The following COL27A1 variants were observed in gnomAD, a reference collection of about 807,000 sequenced individuals.
COL27A1 encodes collagen type XXVII alpha 1 chain.
Under a neutral mutation model 251.3 loss-of-function variants are expected in COL27A1, and 106 were observed. The observed-to-expected ratio is 0.42, with a 90% confidence interval of 0.36 to 0.50. The LOEUF is 0.50. COL27A1 is among the 20% of genes least tolerant of loss of function. COL27A1 has a pLI of 0.00. For missense variants in COL27A1, 2,325 were observed against 2,522.8 expected (o/e 0.92, Z 1.68); for synonymous variants, 1,000 against 986.3 (o/e 1.01, Z -0.26).
At chr9:114,301,741 A>G (rs1828655568) in intron 55 of COL27A1, 24 bp downstream of exon 55, 1 of 1,610,200 alleles carries the variant, frequency 6.2e-7, no homozygotes, top group Non-Finnish European at 8.5e-7. Flanking sequence ...TGCTGGGTGC[A>G]TCTTGGACTC....
At chr9:114,175,912 T>A (rs1398151285) in intron 3 of COL27A1, among the ~76,000 whole-genome samples, 1 of 152,230 alleles carries the variant, frequency 6.6e-6, no homozygotes, top group African/African-American at 2.4e-5. Context: ...CCACCTTGGC[T>A]TTCCGCAACT....
At chr9:114,167,381 T>A (rs1848958301) in intron 2 of COL27A1, among the ~76,000 whole-genome samples, 1 of 152,230 alleles carries the variant, frequency 6.6e-6, no homozygotes, top group African/African-American at 2.4e-5. Context: ...ACTGAGGCAC[T>A]AAAGTCACAA....
intron 6 of COL27A1, among the ~76,000 whole-genome samples, chr9:114,194,759 A>C (rs570918334): frequency 6.6e-6 from 1 of 152,248 alleles, no homozygotes; most frequent in Non-Finnish European, 1.5e-5. Flanking sequence ...AATGTCCTGC[A>C]TGGCTTTCTG....
At chr9:114,244,823 A>G (rs764574858) in intron 23 of COL27A1, among the ~76,000 whole-genome samples, 10 of 152,174 alleles carry the variant, frequency 6.6e-5, no homozygotes, top group Non-Finnish European at 1.3e-4. Context: ...GAGTGGTGAC[A>G]TCGTCTGTGT....
At chr9:114,287,301 A>C (rs987669082) in intron 41 of COL27A1, among the ~76,000 whole-genome samples, 2 of 152,150 alleles carry the variant, frequency 1.3e-5, no homozygotes, top group Non-Finnish European at 2.9e-5. Context: ...AAAGGGGCTC[A>C]GGGGTGCCTG....
chr9:114,245,435 G>C (rs547109713), intron 23 of COL27A1, among the ~76,000 whole-genome samples: 1 of 152,110 alleles, frequency 6.6e-6, no homozygotes, highest in Non-Finnish European at 1.5e-5. Context: ...GGGATTACAG[G>C]CGTGAGCCAC....
rs1849153599 is a variant in COL27A1 at position 114,169,430 on chromosome 9, G to T, written c.1875G>T (p.Gly625=). ...AGSTPFPLLM[G]PPGPKGDCGL... ...CTACGCCTTTCCCTCTGCTGATGGG[G>T]CCTCCGGGACCCAAGGGAGACTGTG... The change falls in exon 3 of 61, where the codon GGG becomes GGT. Residue 625 remains glycine (G), a synonymous_variant. Coordinates refer to ENST00000356083, the MANE Select transcript of COL27A1 (RefSeq NM_032888.4). 1 of 1,568,956 alleles carries T rather than the reference G, an allele frequency of 6.4e-7. No individual in the cohort carries two copies. The highest frequency in any genetic ancestry group is 8.6e-7 in the Non-Finnish European group (1 of 1,158,814).
intron 23 of COL27A1, 55 bp from the exon 24 acceptor site, chr9:114,245,811 A>G (rs200626863): frequency 1.3e-6 from 2 of 1,537,788 alleles, no homozygotes; most frequent in East Asian, 2.3e-5. Context: ...CTTCCCCAGG[A>G]GGTCTAGACT....
At chr9:114,248,703 G>A (rs776103358) in intron 24 of COL27A1, among the ~76,000 whole-genome samples, 1 of 152,286 alleles carries the variant, frequency 6.6e-6, no homozygotes, top group Admixed American at 6.5e-5. Flanking sequence ...CGGGTCGGGG[G>A]ATGGGGCACT....
At chr9:114,173,097 T>C (rs1350065558) in intron 3 of COL27A1, among the ~76,000 whole-genome samples, 1 of 152,194 alleles carries the variant, frequency 6.6e-6, no homozygotes, top group Non-Finnish European at 1.5e-5. Context: ...GGAAGCTCTG[T>C]GGGAGCCCCA....
intron 49 of COL27A1, 141 bp downstream of exon 49, chr9:114,292,351 A>AG: frequency 1.4e-6 from 1 of 703,764 alleles, no homozygotes; most frequent in Non-Finnish European, 2.3e-6. Flanking sequence ...CTCTGTGACA[A>AG]GGTATAAAAT....
chr9:114,278,627 GC>G (rs1835713765), intron 37 of COL27A1, among the ~76,000 whole-genome samples: 1 of 150,044 alleles, frequency 6.7e-6, no homozygotes, highest in Admixed American at 6.6e-5. Context: ...TGGTGGTATG[GC>G]GTAGGTAGTG....
chr9:114,220,402 G>A lies in COL27A1; in HGVS notation c.2421+558G>A, dbSNP rs1354407380. On this transcript the variant is annotated intron_variant, in intron 13 of 60. Coordinates refer to ENST00000356083, the MANE Select transcript of COL27A1 (RefSeq NM_032888.4). ...GCTCCAGGCCCTGGTGGGAGAAGGTGTTCATGGTTCCCCATCTCCCCCTGG... is the reference window on the plus strand; with the variant it reads ...GCTCCAGGCCCTGGTGGGAGAAGGTATTCATGGTTCCCCATCTCCCCCTGG... Among the ~76,000 whole-genome samples the A allele has an allele frequency of 2.0e-5, 3 of 152,212 alleles. No homozygotes were observed. In the South Asian group the frequency reaches 6.2e-4, roughly 32 times the overall value.
chr9:114,241,476 A>G (rs1305054390), intron 21 of COL27A1, among the ~76,000 whole-genome samples: 3 of 152,210 alleles, frequency 2.0e-5, no homozygotes, highest in Non-Finnish European at 4.4e-5. Context: ...CTGGCATGCC[A>G]GAAGGAGCCA....
chr9:114,270,960 TG>T lies in COL27A1; in HGVS notation c.3609+180del, dbSNP rs1226193321. On this transcript the variant is annotated intron_variant, in intron 36 of 60. Transcript: ENST00000356083. ...AGTGTCCAGCAGCCACCTCCCACCC[TG>T]CCCTCTGCACTACCTGCTCAGGTGG... 8.3e-6 allele frequency: 5 copies of T among 599,276 alleles called. No individual in the cohort carries two copies. The Admixed American group carries it at 1.0e-4, about 12-fold the overall frequency. 37.1% of individuals were successfully genotyped at this position (599,276 alleles called of 1,614,324 possible). A position where few individuals can be genotyped will look rare whatever the true frequency, so the allele number is the denominator to read the frequency against.
chr9:114,242,869 C>T (rs938407385), intron 22 of COL27A1, among the ~76,000 whole-genome samples: 3 of 152,180 alleles, frequency 2.0e-5, no homozygotes, highest in African/African-American at 4.8e-5. Context: ...GGAGAATTCA[C>T]GCTATTTTCC....
intron 7 of COL27A1, among the ~76,000 whole-genome samples, chr9:114,204,681 C>T (rs1389027521): frequency 1.3e-5 from 2 of 152,144 alleles, no homozygotes; most frequent in African/African-American, 4.8e-5. Flanking sequence ...TCCCGTGTGA[C>T]GTGGTGGCTC....
intron 28 of COL27A1, among the ~76,000 whole-genome samples, chr9:114,261,695 T>C (rs560937182): frequency 6.6e-6 from 1 of 152,336 alleles, no homozygotes; most frequent in East Asian, 1.9e-4. Context: ...CTCTGGGTCC[T>C]GACCTGTATA....
At chr9:114,193,509 A>C (rs1828893269) in intron 5 of COL27A1, among the ~76,000 whole-genome samples, 2 of 152,148 alleles carry the variant, frequency 1.3e-5, no homozygotes, top group African/African-American at 4.8e-5. Context: ...CCTGGAACGC[A>C]GGTCTGGGAG....
Sources: allele counts gnomAD v4.1 joint callset (sites outside exome capture counted in the v4.1 genomes callset), GRCh38; gene constraint gnomAD v4.1.1; transcripts MANE v1.5; gene names NCBI Gene and HGNC (gene_info 2026-07-23, HGNC 2026-07-21).